Variants in ZBTB14 observed in about 807,000 individuals in gnomAD.
ZBTB14 encodes the protein zinc finger and BTB domain containing 14.
In ZBTB14, 8 loss-of-function variants were observed where a neutral mutation model predicts 29.5. The ratio of observed to expected loss-of-function variants is 0.27; its 90% CI spans 0.16 to 0.49. The LOEUF is 0.49. Among genes scored for constraint, ZBTB14 ranks in the 20% least tolerant of loss-of-function variants. ZBTB14 has a pLI of 0.99. For missense variants in ZBTB14, 333 were observed against 563.8 expected (o/e 0.59, Z 4.15); for synonymous variants, 226 against 207.2 (o/e 1.09, Z -0.78).
At chr18:5,294,634 G>C (rs564738704) in intron 1 of ZBTB14, among the ~76,000 whole-genome samples, 11 of 152,114 alleles carry the variant, frequency 7.2e-5, no homozygotes, top group Admixed American at 5.2e-4. Flanking sequence ...GTCAAAACTG[G>C]AAGACAGCTG....
At chr18:5,296,468 A>G (rs971426669), upstream of ZBTB14, among the ~76,000 whole-genome samples, 1 of 149,066 alleles carries the variant, frequency 6.7e-6, no homozygotes, top group African/African-American at 2.5e-5. Context: ...CGTGGGCCAG[A>G]GCCTCCCCCG....
chr18:5,292,077 T>A lies in ZBTB14; in HGVS notation c.131A>T (p.Asp44Val). 6.2e-7 allele frequency: 1 copy of A among 1,610,844 alleles called. No individual in the cohort carries two copies. The highest frequency in any genetic ancestry group is 8.5e-7 in the Non-Finnish European group (1 of 1,179,982). The change falls in exon 4 of 4, where the codon GAT (aspartate) becomes GTT (valine). Residue 44 changes from aspartate (D) to valine (V), a missense_variant. By Grantham distance (152) the Asp-to-Val change is radical. Transcript: ENST00000651870. ...ACATCTGTGTGCTCTGAATTTCACA[T>A]CCTCAACCACAATAGCAATATCACA... ...EFCDIAIVVE[D>V]VKFRAHRCVL...
chr18:5,290,613 G>C lies in ZBTB14; in HGVS notation c.*245C>G. On this transcript the variant is annotated 3_prime_UTR_variant, in exon 4 of 4. Coordinates refer to ENST00000651870, the MANE Select transcript of ZBTB14 (RefSeq NM_001243702.2). ...TAAAATAATAAAAAAAAAAAAGGGAGAGAGGTGCTTACTGGGCAACATTAA... is the reference window on the plus strand; with the variant it reads ...TAAAATAATAAAAAAAAAAAAGGGACAGAGGTGCTTACTGGGCAACATTAA... 2 of 332,326 alleles carry C rather than the reference G, an allele frequency of 6.0e-6. No homozygotes were observed. Among genetic ancestry groups the C allele is most frequent in the East Asian group, 8.4e-5 (2 of 23,732 alleles). The allele number at this position is 332,326 out of a possible 1,614,324, so 20.6% of individuals were successfully genotyped here. A position where few individuals can be genotyped will look rare whatever the true frequency, so the allele number is the denominator to read the frequency against.
chr18:5,289,790 GTAAGACCA>G lies in ZBTB14; in HGVS notation c.*1060_*1067del. On this transcript the variant is annotated 3_prime_UTR_variant, in exon 4 of 4. Transcript: ENST00000651870. ...GCTGTCTACTTTTTACTTGAAATAC[GTAAGACCA>G]ACACTACTATTTACACACTTAAAAG... is the stretch of plus-strand genomic sequence containing the variant. The G allele has an allele frequency of 6.6e-6, 1 of 152,660 alleles. No homozygotes were observed. Among genetic ancestry groups the G allele is most frequent in the African/African-American group, 2.4e-5 (1 of 41,534 alleles). The allele number at this position is 152,660 out of a possible 1,614,324, so 9.5% of individuals were successfully genotyped here. A position where few individuals can be genotyped will look rare whatever the true frequency, so the allele number is the denominator to read the frequency against.
chr18:5,289,087 T>C lies in ZBTB14; in HGVS notation c.*1771A>G, dbSNP rs954616676. 3 of 152,242 alleles carry C rather than the reference T, an allele frequency of 2.0e-5. No individual in the cohort carries two copies. Among genetic ancestry groups the C allele is most frequent in the Admixed American group, 1.3e-4 (2 of 15,288 alleles). 9.4% of individuals were successfully genotyped at this position (152,242 alleles called of 1,614,324 possible). ...AAAATATGGTTTGTTGAAGTAGCTATTGACAAGATGTTAAAATTATTTTTC... is the reference window on the plus strand; with the variant it reads ...AAAATATGGTTTGTTGAAGTAGCTACTGACAAGATGTTAAAATTATTTTTC... On this transcript the variant is annotated 3_prime_UTR_variant, in exon 4 of 4. Transcript: ENST00000651870.
chr18:5,290,791 T>G lies in ZBTB14; in HGVS notation c.*67A>C. On this transcript the variant is annotated 3_prime_UTR_variant, in exon 4 of 4. Transcript: ENST00000651870. ...TCCACAAAAATATTGTAACTGGCAT[T>G]CACTCATTATGATCCACGTCATCTC... 1 of 1,550,956 alleles carries G rather than the reference T, an allele frequency of 6.4e-7. No homozygotes were observed. Among genetic ancestry groups the G allele is most frequent in the Non-Finnish European group, 8.7e-7 (1 of 1,150,184 alleles).
At chr18:5,296,334 C>G (rs2060864822), upstream of ZBTB14, 2 of 150,170 alleles carry the variant, frequency 1.3e-5, no homozygotes, top group African/African-American at 4.9e-5. Context: ...AGCACGAGCG[C>G]TGCTCGCGGA....
chr18:5,296,479 G>T (rs1301891453), upstream of ZBTB14, among the ~76,000 whole-genome samples: 2 of 150,424 alleles, frequency 1.3e-5, no homozygotes, highest in Non-Finnish European at 3.0e-5. Context: ...GCCTCCCCCG[G>T]GCGCGCGCAG....
In ZBTB14 at chr18:5,293,312, CAGG is replaced by C. The variant is rs754093462; in HGVS notation, c.-69_-67del. ...ATCTTCAGATCAGAGTAACTCTGAT[CAGG>C]AGCACGCCAGACCTACAGAGGAAAG... On this transcript the variant is annotated 5_prime_UTR_variant, in exon 3 of 4. Transcript: ENST00000651870. 1.9e-6 allele frequency: 3 copies of C among 1,568,660 alleles called. No homozygotes were observed. Among genetic ancestry groups the C allele is most frequent in the Non-Finnish European group, 1.7e-6 (2 of 1,144,062 alleles).
At chr18:5,295,262 GGCCCTCCCCC>G (rs1390795302) in intron 1 of ZBTB14, among the ~76,000 whole-genome samples, 4 of 144,614 alleles carry the variant, frequency 2.8e-5, no homozygotes, top group Non-Finnish European at 4.6e-5. Flanking sequence ...GCTCGCGCCG[GGCCCTCCCCC>G]GCCCTCCCGC....
chr18:5,291,439 T>A lies in ZBTB14; in HGVS notation c.769A>T (p.Thr257Ser). The change falls in exon 4 of 4, where the codon ACA becomes TCA. Residue 257 changes from threonine to serine, a missense_variant. Thr to Ser is a moderately conservative substitution (Grantham distance 58). Transcript: ENST00000651870. The surrounding 1 kb of genome is among the most constrained non-coding windows in gnomAD (Gnocchi z 5.8). The stretch of plus-strand genomic sequence containing the variant: ...AACTTCATGTCACTGGCGGCTGTTG[T>A]CCAGCCTGGTGTCTGTTCATCTTTC... Reference protein sequence around the residue: ...EVKDEQTPGWTTAASDMKFEY... With the variant: ...EVKDEQTPGWSTAASDMKFEY... The A allele has an allele frequency of 6.2e-7, 1 of 1,614,240 alleles. No homozygotes were observed. The highest frequency in any genetic ancestry group is 8.5e-7 in the Non-Finnish European group (1 of 1,180,052).
chr18:5,289,258 C>A lies in ZBTB14; in HGVS notation c.*1600G>T, dbSNP rs2143204418. 3 of 152,146 alleles carry A rather than the reference C, an allele frequency of 2.0e-5. No homozygotes were observed. The South Asian group carries it at 6.2e-4, about 32-fold the overall frequency. The allele number at this position is 152,146 out of a possible 1,614,324, so 9.4% of individuals were successfully genotyped here. A position where few individuals can be genotyped will look rare whatever the true frequency, so the allele number is the denominator to read the frequency against. On this transcript the variant is annotated 3_prime_UTR_variant, in exon 4 of 4. Transcript: ENST00000651870. ...ATTTTAAGTAAAATTAAACATTTTA[C>A]CAATAACTAAAATTTTTAAAAAGGT...
At chr18:5,294,603 CCAAT>C (rs1252123018) in intron 1 of ZBTB14, among the ~76,000 whole-genome samples, 1 of 151,550 alleles carries the variant, frequency 6.6e-6, no homozygotes, top group Non-Finnish European at 1.5e-5. Context: ...ATTGAGATGT[CCAAT>C]TGCTCAGTTC....
At chr18:5,296,728 C>G (rs1470860966), upstream of ZBTB14, among the ~76,000 whole-genome samples, 1 of 151,960 alleles carries the variant, frequency 6.6e-6, no homozygotes, top group Non-Finnish European at 1.5e-5. Context: ...AGTTGCCCAG[C>G]AGAAAGGGAT....
intron 1 of ZBTB14, among the ~76,000 whole-genome samples, chr18:5,295,004 C>T (rs956427606): frequency 4.6e-5 from 7 of 152,026 alleles, no homozygotes; most frequent in Non-Finnish European, 8.8e-5. Flanking sequence ...CGTTTGCACT[C>T]CTTCCCAGAC....
rs777499388 is a variant in ZBTB14, at chr18:5,291,581, T to C, written c.627A>G (p.Glu209=). Residue 209 remains glutamate, a synonymous_variant, in exon 4 of 4, where the codon GAA becomes GAG. Coordinates refer to ENST00000651870, the MANE Select transcript of ZBTB14 (RefSeq NM_001243702.2). The surrounding 1 kb of genome is among the most constrained non-coding windows in gnomAD (Gnocchi z 5.8). ...GGCCGTAGCAATTGACCTTCCGAAC[T>C]TCCTCACTCCCCAGCTCTTTCAGGA... is the stretch of plus-strand genomic sequence containing the variant. The part of the protein sequence containing the change: ...EAILKELGSE[E]VRKVNCYGQE... The C allele has an allele frequency of 9.3e-6, 15 of 1,613,710 alleles. No individual in the cohort carries two copies. In the African/African-American group the frequency reaches 9.3e-5, roughly 10 times the overall value.
upstream of ZBTB14, chr18:5,296,190 G>A (rs1314871723): frequency 6.6e-6 from 1 of 151,196 alleles, no homozygotes; most frequent in Non-Finnish European, 1.5e-5. Flanking sequence ...TTTCGTTGGA[G>A]ACTACGGGGC....
At position 5,291,598 on chromosome 18, in the gene ZBTB14, C is replaced by G; in HGVS notation, c.610G>C (p.Glu204Gln). 6.2e-7 allele frequency: 1 copy of G among 1,613,810 alleles called. No homozygotes were observed. The highest frequency in any genetic ancestry group is 8.5e-7 in the Non-Finnish European group (1 of 1,180,016). Residue 204 changes from glutamate to glutamine, a missense_variant, in exon 4 of 4, where the codon GAG becomes CAG. By Grantham distance (29) the Glu-to-Gln change is conservative. Coordinates refer to ENST00000651870, the MANE Select transcript of ZBTB14 (RefSeq NM_001243702.2). This position sits in a 1 kb window ranked among gnomAD's most constrained non-coding sequence, Gnocchi z 5.8. ...TLRVQEAILK[E>Q]LGSEEVRKVN... ...TTCCGAACTTCCTCACTCCCCAGCT[C>G]TTTCAGGATCGCTTCCTGAACCCTG...
intron 2 of ZBTB14, 89 bp downstream of exon 2, chr18:5,293,883 A>C (rs948644877): frequency 1.3e-5 from 2 of 152,216 alleles, no homozygotes; most frequent in Non-Finnish European, 2.9e-5. Flanking sequence ...TGTTTTTAAG[A>C]TTGTATTTGA....
Sources: gnomAD v4.1 joint callset for allele counts (sites outside exome capture counted in the v4.1 genomes callset) on GRCh38, gnomAD v4.1.1 for gene constraint, Gnocchi (gnomAD v3.1) non-coding constraint, MANE v1.5 for transcripts, NCBI Gene and HGNC (gene_info 2026-07-23, HGNC 2026-07-21) for gene names.